CAMK1D: variants seen among roughly 807,000 people sequenced by gnomAD.
CAMK1D encodes calcium/calmodulin dependent protein kinase ID, also known as calcium/calmodulin-dependent protein kinase type 1D.
Under a neutral mutation model 47.7 loss-of-function variants are expected in CAMK1D, and 9 were observed. The ratio of observed to expected loss-of-function variants is 0.19; its 90% confidence interval spans 0.11 to 0.33. The LOEUF is 0.33. Ranked by LOEUF, CAMK1D falls within the 10% of genes least tolerant of loss-of-function variation. CAMK1D has a pLI of 1.00. For synonymous variants in CAMK1D, 184 were observed against 184.9 expected, an observed-to-expected ratio of 0.99 and a Z score of 0.04; for missense variants, 291 against 488.7, an observed-to-expected ratio of 0.60 and a Z score of 3.81.
At chr10:12,584,726 G>A (rs988210814) in intron 2 of CAMK1D, among the ~76,000 whole-genome samples, 1 of 152,122 alleles carries the variant, frequency 6.6e-6, no homozygotes, top group African/African-American at 2.4e-5. Context: ...AGGCTGAGGT[G>A]GGAGGGTAGC....
At chr10:12,751,110 A>G (rs954413519) in intron 3 of CAMK1D, among the ~76,000 whole-genome samples, 1 of 80,700 alleles carries the variant, frequency 1.2e-5, no homozygotes, top group Non-Finnish European at 2.6e-5. Flanking sequence ...AGATAAGATA[A>G]GATAAGATAA....
chr10:12,680,336 G>A (rs1484379015), intron 3 of CAMK1D, among the ~76,000 whole-genome samples: 5 of 152,200 alleles, frequency 3.3e-5, no homozygotes, highest in Non-Finnish European at 2.9e-5. Context: ...ATAGCTCAGC[G>A]CCTGGTCTCT....
At chr10:12,350,699 C>G (rs1837328634) in intron 1 of CAMK1D, among the ~76,000 whole-genome samples, 1 of 152,226 alleles carries the variant, frequency 6.6e-6, no homozygotes, top group African/African-American at 2.4e-5. Context: ...CCTTTCTGCC[C>G]AGGAGTTGGG....
intron 3 of CAMK1D, among the ~76,000 whole-genome samples, chr10:12,736,351 C>G (rs992418089): frequency 2.0e-5 from 3 of 152,196 alleles, no homozygotes; most frequent in Non-Finnish European, 2.9e-5. Context: ...AGCCTTGCCC[C>G]AGAGGCTCAG....
intron 3 of CAMK1D, among the ~76,000 whole-genome samples, chr10:12,729,005 C>A (rs182378205): frequency 5.3e-5 from 8 of 152,298 alleles, no homozygotes; most frequent in African/African-American, 1.4e-4. Context: ...GATGATACTG[C>A]AATGCATGAA....
chr10:12,603,287 C>T (rs555074995), intron 2 of CAMK1D, among the ~76,000 whole-genome samples: 1 of 152,282 alleles, frequency 6.6e-6, no homozygotes, highest in South Asian at 2.1e-4. Flanking sequence ...TCCTCCCCGC[C>T]CAGACTGGCT....
intron 6 of CAMK1D, among the ~76,000 whole-genome samples, chr10:12,810,457 C>T (rs1476341151): frequency 4.6e-5 from 7 of 152,116 alleles, no homozygotes; most frequent in East Asian, 1.9e-4. Flanking sequence ...GTATTTCTAG[C>T]GGAGACCGGG....
intron 3 of CAMK1D, among the ~76,000 whole-genome samples, chr10:12,750,969 G>A (rs539336083): frequency 4.6e-5 from 7 of 152,238 alleles, no homozygotes; most frequent in South Asian, 2.1e-4. Flanking sequence ...GAGAATTGCC[G>A]GAGCCCAGGA....
intron 1 of CAMK1D, among the ~76,000 whole-genome samples, chr10:12,461,625 G>A (rs556783845): frequency 6.6e-6 from 1 of 150,488 alleles, no homozygotes; most frequent in South Asian, 2.1e-4. Context: ...GGAGGTGGAG[G>A]TTGCAGTGAG....
At chr10:12,567,404 G>T (rs928430787) in intron 2 of CAMK1D, among the ~76,000 whole-genome samples, 15 of 152,300 alleles carry the variant, frequency 9.8e-5, no homozygotes, top group Middle Eastern at 3.4e-3. Context: ...CCGAGGGATG[G>T]CATAGAGTGG....
intron 2 of CAMK1D, among the ~76,000 whole-genome samples, chr10:12,628,669 CTT>C (rs1839293346): frequency 6.6e-6 from 1 of 152,126 alleles, no homozygotes; most frequent in African/African-American, 2.4e-5. Flanking sequence ...AGGGTCCACT[CTT>C]TATGTTATAC....
intron 2 of CAMK1D, among the ~76,000 whole-genome samples, chr10:12,588,596 C>T (rs1837890566): frequency 6.6e-6 from 1 of 152,016 alleles, no homozygotes; most frequent in African/African-American, 2.4e-5. Flanking sequence ...TGCAGATCTC[C>T]TGCCCCACCA....
At chr10:12,795,049 A>G (rs1838136265) in intron 6 of CAMK1D, among the ~76,000 whole-genome samples, 1 of 152,164 alleles carries the variant, frequency 6.6e-6, no homozygotes, top group Admixed American at 6.5e-5. Context: ...GACACTAAGA[A>G]TGATAAGTTT....
rs1272057192 is a variant in CAMK1D, at chr10:12,558,991, C to G, written c.224+5635C>G. Among the ~76,000 whole-genome samples, 4 of 152,234 alleles carry G rather than the reference C, an allele frequency of 2.6e-5. No homozygotes were observed. The East Asian group carries it at 7.7e-4, about 29-fold the overall frequency. On this transcript the variant is annotated intron_variant, in intron 2 of 10. Transcript: ENST00000619168. ...CTCAGCCCTGGCTGCACCTTAAAAT[C>G]ACCTAGGAAGCTCTTAAAATCATAC... is the stretch of plus-strand genomic sequence containing the variant.
chr10:12,601,718 TC>T (rs1006923504), intron 2 of CAMK1D, among the ~76,000 whole-genome samples: 13 of 152,308 alleles, frequency 8.5e-5, no homozygotes, highest in African/African-American at 3.1e-4. Context: ...CGCCTCGGCC[TC>T]CCAAAGTGTT....
In CAMK1D at chr10:12,371,568, T is replaced by A. The variant is rs1838007341; in HGVS notation, c.92+21658T>A. Among the ~76,000 whole-genome samples the A allele has an allele frequency of 3.6e-5, 5 of 139,720 alleles. No individual in the cohort carries two copies. The South Asian group carries it at 1.2e-3, about 32-fold the overall frequency. 91.7% of individuals were successfully genotyped at this position (139,720 alleles called of 152,430 possible). ...TCCAGCCTGGGTGACAGAGCGAGAC[T>A]GTCCCGAAAAAAAAAAAAACCAAAA... On this transcript the variant is annotated intron_variant, in intron 1 of 10. Transcript: ENST00000619168.
intron 2 of CAMK1D, among the ~76,000 whole-genome samples, chr10:12,621,199 T>TAATG (rs1204953994): frequency 6.6e-6 from 1 of 152,072 alleles, no homozygotes; most frequent in African/African-American, 2.4e-5. Flanking sequence ...TGTAGCTATA[T>TAATG]AATGGGTCGA....
intron 1 of CAMK1D, among the ~76,000 whole-genome samples, chr10:12,547,654 C>T (rs1554786341): frequency 1.2e-5 from 1 of 84,282 alleles, no homozygotes; most frequent in Non-Finnish European, 2.4e-5. Context: ...CCCCCCAACC[C>T]TGCACTCTCT....
chr10:12,773,613 C>A (rs961758690), intron 5 of CAMK1D, among the ~76,000 whole-genome samples: 1 of 152,154 alleles, frequency 6.6e-6, no homozygotes, highest in Admixed American at 6.5e-5. Context: ...CAAATATGGG[C>A]CGGGGGCGGT....
Sources: allele counts gnomAD v4.1 joint callset (sites outside exome capture counted in the v4.1 genomes callset), GRCh38; gene constraint gnomAD v4.1.1; transcripts MANE v1.5; gene names NCBI Gene and HGNC (gene_info 2026-07-23, HGNC 2026-07-21).